The following COBLL1 variants were observed in gnomAD, a reference collection of about 807,000 sequenced individuals.
The protein encoded by COBLL1 is cordon-bleu protein-like 1.
Under a neutral mutation model 94.8 loss-of-function variants are expected in COBLL1, and 50 were observed. The ratio of observed to expected loss-of-function variants is 0.53; its 90% CI spans 0.42 to 0.67. COBLL1 has a LOEUF of 0.67. COBLL1 is among the 30% of genes least tolerant of loss of function. The pLI is 0.00. For synonymous variants in COBLL1, 448 were observed against 473.8 expected (o/e 0.95, Z 0.71); for missense variants, 1,362 against 1,348.7 (o/e 1.01, Z -0.15).
chr2:164,801,387 C>T (rs971888452), intron 2 of COBLL1, among the ~76,000 whole-genome samples: 1 of 130,178 alleles, frequency 7.7e-6, no homozygotes, highest in African/African-American at 3.0e-5. Context: ...TGCAGTGAGC[C>T]GAGATCGCGC....
In COBLL1 at chr2:164,728,213, A is replaced by G; in HGVS notation, c.433-16T>C. 1 of 1,512,184 alleles carries G rather than the reference A, an allele frequency of 6.6e-7. No homozygotes were observed. Among genetic ancestry groups the G allele is most frequent in the Non-Finnish European group, 9.2e-7 (1 of 1,088,762 alleles). The allele number at this position is 1,512,184 out of a possible 1,614,324, so 93.7% of individuals were successfully genotyped here. On this transcript the variant is annotated splice_polypyrimidine_tract_variant and intron_variant, in intron 4 of 13. Coordinates refer to ENST00000652658, the MANE Select transcript of COBLL1 (RefSeq NM_001365672.2). ...TCACAGTTTTCTGAAACACATATTAAAGCCATAGTTGTACCATAATTCACT... is the reference window on the plus strand; with the variant it reads ...TCACAGTTTTCTGAAACACATATTAGAGCCATAGTTGTACCATAATTCACT...
At chr2:164,771,871 C>T (rs773407262) in intron 2 of COBLL1, 8 of 151,168 alleles carry the variant, frequency 5.3e-5, no homozygotes, top group Non-Finnish European at 1.0e-4. Flanking sequence ...TTATTTCAAA[C>T]ATGAAAATGG....
At position 164,682,276 on chromosome 2, in the gene COBLL1, C is replaced by T. The variant is rs1192160210; in HGVS notation, c.*3670G>A. 6.6e-6 allele frequency: 1 copy of T among 152,156 alleles called. No homozygotes were observed. The highest frequency in any genetic ancestry group is 1.5e-5 in the Non-Finnish European group (1 of 68,026). The allele number at this position is 152,156 out of a possible 1,614,324, so 9.4% of individuals were successfully genotyped here. A position where few individuals can be genotyped will look rare whatever the true frequency, so the allele number is the denominator to read the frequency against. ...CAGAAATCACTTTGACCCTGGAAATCTTCACTATGACCTCTAATTGCAAGT... is the reference window on the plus strand; with the variant it reads ...CAGAAATCACTTTGACCCTGGAAATTTTCACTATGACCTCTAATTGCAAGT... On this transcript the variant is annotated 3_prime_UTR_variant, in exon 14 of 14. Coordinates refer to ENST00000652658, the MANE Select transcript of COBLL1 (RefSeq NM_001365672.2).
intron 2 of COBLL1, among the ~76,000 whole-genome samples, chr2:164,828,812 C>T (rs1232993330): frequency 1.3e-5 from 2 of 152,086 alleles, no homozygotes; most frequent in African/African-American, 2.4e-5. Flanking sequence ...AATCATATAA[C>T]CATGTGTCAT....
intron 7 of COBLL1, among the ~76,000 whole-genome samples, chr2:164,716,976 G>A (rs779517893): frequency 1.6e-4 from 24 of 152,014 alleles, no homozygotes; most frequent in Non-Finnish European, 1.8e-4. Flanking sequence ...GCTCTTAAAA[G>A]AACAAGAAAA....
chr2:164,800,076 T>G (rs1392526515), intron 2 of COBLL1, among the ~76,000 whole-genome samples: 1 of 152,172 alleles, frequency 6.6e-6, no homozygotes, highest in Admixed American at 6.5e-5. Context: ...AATTGGTAAA[T>G]TGGATTTTAT....
chr2:164,679,697 G>C (rs1682953574), downstream of COBLL1, among the ~76,000 whole-genome samples: 1 of 137,416 alleles, frequency 7.3e-6, no homozygotes. Context: ...TCCAAGAACA[G>C]AAAACCAAAC....
intron 1 of COBLL1, among the ~76,000 whole-genome samples, chr2:164,671,453 T>G (rs1448872858): frequency 2.0e-5 from 3 of 152,116 alleles, no homozygotes; most frequent in Non-Finnish European, 4.4e-5. Flanking sequence ...CAAAAACAAA[T>G]AGACTCATAA....
intron 2 of COBLL1, among the ~76,000 whole-genome samples, chr2:164,762,739 C>A (rs1687744575): frequency 6.6e-6 from 1 of 150,562 alleles, no homozygotes; most frequent in African/African-American, 2.5e-5. Context: ...CTCTGTCACC[C>A]AGGCTGGAGT....
chr2:164,796,591 A>T, intron 2 of COBLL1, among the ~76,000 whole-genome samples: 1 of 151,458 alleles, frequency 6.6e-6, no homozygotes, highest in Non-Finnish European at 1.5e-5. Context: ...GTTTATAATA[A>T]AGTATTTTAA....
intron 13 of COBLL1, among the ~76,000 whole-genome samples, chr2:164,690,732 C>G (rs564872916): frequency 6.6e-6 from 1 of 152,188 alleles, no homozygotes; most frequent in African/African-American, 2.4e-5. Flanking sequence ...GCACAGAAGA[C>G]AGAGGCTTCA....
intron 5 of COBLL1, among the ~76,000 whole-genome samples, chr2:164,725,274 T>C (rs1400244512): frequency 6.6e-6 from 1 of 151,894 alleles, no homozygotes; most frequent in Non-Finnish European, 1.5e-5. Context: ...TTTATATTTG[T>C]ATTATTTTTA....
At chr2:164,725,910 G>C (rs1685704017) in intron 5 of COBLL1, among the ~76,000 whole-genome samples, 1 of 152,146 alleles carries the variant, frequency 6.6e-6, no homozygotes, top group African/African-American at 2.4e-5. Context: ...TAGAAGGCAG[G>C]CTAAATATAA....
chr2:164,841,173 C>A lies in COBLL1; in HGVS notation c.24G>T (p.Pro8=), dbSNP rs1458403551. Reference sequence around the variant, plus strand: ...GGGCTTACCTGGCTGGGGCGTCCTGCGGGCGCGGGGTTCGGCCGTCCATCG... The same window carrying A: ...GGGCTTACCTGGCTGGGGCGTCCTGAGGGCGCGGGGTTCGGCCGTCCATCG... MDGRTPR[P]QDAPARRKPK... The change falls in exon 2 of 14, where the codon CCG becomes CCT. Residue 8 remains proline, a synonymous_variant. Transcript: ENST00000652658. This position sits in a 1 kb window ranked among gnomAD's most constrained non-coding sequence, Gnocchi z 5.5. 8.1e-7 allele frequency: 1 copy of A among 1,231,272 alleles called. No individual in the cohort carries two copies. The highest frequency in any genetic ancestry group is 1.0e-6 in the Non-Finnish European group (1 of 988,036). 76.3% of individuals were successfully genotyped at this position (1,231,272 alleles called of 1,614,324 possible).
chr2:164,810,085 C>A (rs995821937), intron 2 of COBLL1, among the ~76,000 whole-genome samples: 1 of 151,492 alleles, frequency 6.6e-6, no homozygotes, highest in Non-Finnish European at 1.5e-5. Flanking sequence ...ACAAAAAAAT[C>A]ATTCACTTCT....
chr2:164,792,090 TTTTC>T (rs1185735014), intron 2 of COBLL1, among the ~76,000 whole-genome samples: 2 of 151,686 alleles, frequency 1.3e-5, no homozygotes, highest in Non-Finnish European at 2.9e-5. Flanking sequence ...CATTGGCTGT[TTTTC>T]TTTCTTTCTA....
chr2:164,842,076 G>A (rs2105407540), upstream of COBLL1: 7 of 1,463,404 alleles, frequency 4.8e-6, no homozygotes, highest in Non-Finnish European at 6.4e-6. Flanking sequence ...CCGGAGAGAG[G>A]AACGGGGCGG....
chr2:164,805,323 CTCTCTCTCTCTCTCTATATATA>C lies in COBLL1; in HGVS notation c.41+35811_41+35832del, dbSNP rs1189875671. ...TCTCTCTCTCTCTCTCTCTCTCTCTCTCTCTCTCTCTCTCTATATATATATATATATATATATATAAAACTAA... is the reference window on the plus strand; with the variant it reads ...TCTCTCTCTCTCTCTCTCTCTCTCTCTATATATATATATATATAAAACTAA... On this transcript the variant is annotated intron_variant, in intron 2 of 13. Transcript: ENST00000652658. Among the ~76,000 whole-genome samples, 2 of 33,680 alleles carry C rather than the reference CTCTCTCTCTCTCTCTATATATA, an allele frequency of 5.9e-5. 1 individual carries two copies. Among genetic ancestry groups the C allele is most frequent in the Admixed American group, 8.4e-4 (2 of 2,388 alleles). The allele number at this position is 33,680 out of a possible 152,430, so 22.1% of individuals were successfully genotyped here.
At chr2:164,712,050 T>A (rs1289627222) in intron 7 of COBLL1, among the ~76,000 whole-genome samples, 2 of 152,050 alleles carry the variant, frequency 1.3e-5, no homozygotes, top group Admixed American at 1.3e-4. Context: ...AGATTGTTAA[T>A]CCCCCAGAAT....
Sources: gnomAD v4.1 joint callset for allele counts (sites outside exome capture counted in the v4.1 genomes callset) on GRCh38, gnomAD v4.1.1 for gene constraint, Gnocchi (gnomAD v3.1) non-coding constraint, MANE v1.5 for transcripts, NCBI Gene and HGNC (gene_info 2026-07-23, HGNC 2026-07-21) for gene names.